ZFAND3: variants seen among roughly 807,000 people sequenced by gnomAD.
ZFAND3 encodes the protein AN1-type zinc finger protein 3.
ZFAND3 carries 10 observed loss-of-function variants against 29.6 expected under a neutral mutation model. The observed-to-expected ratio is 0.34, with a 90% CI of 0.21 to 0.57. The LOEUF (loss-of-function observed/expected upper bound fraction) is 0.57. Among genes scored for constraint, ZFAND3 ranks in the 20% least tolerant of loss-of-function variants. ZFAND3 has a pLI of 0.86. For synonymous variants in ZFAND3, 128 were observed against 112.6 expected, an observed-to-expected ratio of 1.14 and a Z score of -0.87; for missense variants, 230 against 304.5, an observed-to-expected ratio of 0.76 and a Z score of 1.82.
intron 2 of ZFAND3, among the ~76,000 whole-genome samples, chr6:37,985,958 G>A (rs1353861134): frequency 3.3e-5 from 5 of 152,174 alleles, no homozygotes; most frequent in Non-Finnish European, 7.3e-5. Flanking sequence ...AGCACCTCCT[G>A]TGCTAAAAGC....
intron 1 of ZFAND3, among the ~76,000 whole-genome samples, chr6:37,869,806 C>A (rs1176756351): frequency 6.6e-6 from 1 of 151,082 alleles, no homozygotes; most frequent in African/African-American, 2.4e-5. Flanking sequence ...GCTACTGCAC[C>A]CAGTCTTGAT....
At chr6:38,138,542 C>T (rs1443238257) in intron 5 of ZFAND3, among the ~76,000 whole-genome samples, 3 of 152,156 alleles carry the variant, frequency 2.0e-5, no homozygotes, top group Non-Finnish European at 4.4e-5. Flanking sequence ...TCGGCCTCAC[C>T]GCATTCCAGC....
chr6:38,058,890 G>A (rs1285644077), intron 2 of ZFAND3, among the ~76,000 whole-genome samples: 1 of 152,134 alleles, frequency 6.6e-6, no homozygotes, highest in Non-Finnish European at 1.5e-5. Flanking sequence ...TTCAGTGCCT[G>A]GCACATAATA....
At chr6:37,929,503 G>C (rs1303023384) in intron 1 of ZFAND3, among the ~76,000 whole-genome samples, 1 of 152,198 alleles carries the variant, frequency 6.6e-6, no homozygotes, top group Non-Finnish European at 1.5e-5. Context: ...TAATGTTATA[G>C]AGATAAATGA....
At chr6:38,124,363 C>A (rs772371386) in intron 5 of ZFAND3, among the ~76,000 whole-genome samples, 18 of 152,224 alleles carry the variant, frequency 1.2e-4, no homozygotes, top group Non-Finnish European at 2.2e-4. Context: ...TGGGACCGGG[C>A]GCCATGGAGC....
In ZFAND3 at chr6:38,059,038, C is replaced by G. The variant is rs576650537; in HGVS notation, c.113-2555C>G. On this transcript the variant is annotated intron_variant, in intron 2 of 5. Transcript: ENST00000287218. ...CAAGTTGTAAGAATCTTGTACTTCT[C>G]TGAATTGATATAATAAACTATAATC... Among the ~76,000 whole-genome samples the G allele has an allele frequency of 1.3e-3, 201 of 152,256 alleles. 1 individual carries two copies. The highest frequency in any genetic ancestry group is 4.7e-3 in the African/African-American group (195 of 41,532).
At chr6:37,849,554 A>G (rs1187422) in intron 1 of ZFAND3, among the ~76,000 whole-genome samples, 48,597 of 151,674 alleles carry the variant, frequency 0.32, 8,211 homozygotes, top group Non-Finnish European at 0.38. Context: ...GATTACAGGC[A>G]CCCACCACTA....
At chr6:37,969,878 T>C (rs1263997774) in intron 2 of ZFAND3, among the ~76,000 whole-genome samples, 3 of 152,298 alleles carry the variant, frequency 2.0e-5, no homozygotes, top group East Asian at 1.9e-4. Context: ...TCTTGCTCAA[T>C]GTTTATTTTT....
At chr6:37,830,964 C>G (rs1247551999) in intron 1 of ZFAND3, among the ~76,000 whole-genome samples, 1 of 152,156 alleles carries the variant, frequency 6.6e-6, no homozygotes, top group Non-Finnish European at 1.5e-5. Flanking sequence ...GAAGGGCCCC[C>G]TTTCTCGTCT....
intron 4 of ZFAND3, among the ~76,000 whole-genome samples, chr6:38,094,354 A>G (rs929249733): frequency 2.6e-5 from 4 of 152,152 alleles, no homozygotes; most frequent in African/African-American, 9.7e-5. Context: ...AAGGGGAACA[A>G]GTGGTGCTCT....
At chr6:37,992,688 A>G (rs996676673) in intron 2 of ZFAND3, among the ~76,000 whole-genome samples, 1 of 152,202 alleles carries the variant, frequency 6.6e-6, no homozygotes, top group South Asian at 2.1e-4. Context: ...ATACAGCCCC[A>G]TTCAAATCTC....
At chr6:37,946,100 T>C (rs758963105) in intron 2 of ZFAND3, among the ~76,000 whole-genome samples, 6 of 152,202 alleles carry the variant, frequency 3.9e-5, no homozygotes, top group Non-Finnish European at 8.8e-5. Context: ...TGGACATAAA[T>C]ACAGGGTATT....
intron 1 of ZFAND3, among the ~76,000 whole-genome samples, chr6:37,907,787 C>T (rs1765436157): frequency 6.6e-6 from 1 of 152,214 alleles, no homozygotes; most frequent in Non-Finnish European, 1.5e-5. Context: ...CACCTATTTA[C>T]TCTTCACCTA....
intron 1 of ZFAND3, among the ~76,000 whole-genome samples, chr6:37,921,015 A>G (rs1484135614): frequency 6.6e-6 from 1 of 152,070 alleles, no homozygotes; most frequent in African/African-American, 2.4e-5. Flanking sequence ...CCTCTGAGAA[A>G]ACTGGGATGA....
At chr6:38,076,317 T>C (rs1251618652) in intron 3 of ZFAND3, among the ~76,000 whole-genome samples, 2 of 152,198 alleles carry the variant, frequency 1.3e-5, no homozygotes, top group Non-Finnish European at 2.9e-5. Flanking sequence ...TTATATTCAT[T>C]GAGAAGCCAA....
At chr6:38,137,341 T>A (rs1211308114) in intron 5 of ZFAND3, among the ~76,000 whole-genome samples, 4 of 152,248 alleles carry the variant, frequency 2.6e-5, no homozygotes, top group Non-Finnish European at 2.9e-5. Context: ...CTGGATGAAC[T>A]GTGTGGTGAT....
At chr6:38,023,174 C>A (rs148812303) in intron 2 of ZFAND3, among the ~76,000 whole-genome samples, 55 of 152,206 alleles carry the variant, frequency 3.6e-4, no homozygotes, top group African/African-American at 1.2e-3. Flanking sequence ...GAAAGCTAGC[C>A]AGACACTGAA....
intron 5 of ZFAND3, among the ~76,000 whole-genome samples, chr6:38,122,138 G>A (rs1197365209): frequency 6.6e-6 from 1 of 152,168 alleles, no homozygotes; most frequent in Non-Finnish European, 1.5e-5. Context: ...TTATGGTACA[G>A]TTGTCCCCTG....
intron 2 of ZFAND3, among the ~76,000 whole-genome samples, chr6:38,059,314 A>G (rs1764191695): frequency 6.6e-6 from 1 of 151,962 alleles, no homozygotes; most frequent in Admixed American, 6.5e-5. Context: ...TATTCTTAAC[A>G]TATTTTAAAT....
Sources: gnomAD v4.1 joint callset for allele counts (sites outside exome capture counted in the v4.1 genomes callset) on GRCh38, gnomAD v4.1.1 for gene constraint, MANE v1.5 for transcripts, NCBI Gene and HGNC (gene_info 2026-07-23, HGNC 2026-07-21) for gene names.